CCND2: variants seen among roughly 807,000 people sequenced by gnomAD.
CCND2 encodes G1/S-specific cyclin-D2.
A neutral mutation model predicts 30.2 loss-of-function variants in CCND2; 6 were observed. That is an observed-to-expected ratio of 0.20 (90% CI 0.11 to 0.39). CCND2 has a LOEUF of 0.39. CCND2 is among the 10% of genes least tolerant of loss of function. The pLI is 1.00. For missense variants in CCND2, 235 were observed against 373.4 expected (o/e 0.63, Z 3.06); for synonymous variants, 150 against 153.1 (o/e 0.98, Z 0.15).
At chr12:4,298,614 G>A (rs1591651250) in intron 4 of CCND2, among the ~76,000 whole-genome samples, 1 of 152,134 alleles carries the variant, frequency 6.6e-6, no homozygotes, top group East Asian at 1.9e-4. Flanking sequence ...CTCTGGGTGG[G>A]GAGAATTGCA....
Position 4,288,915 on chromosome 12 carries a change from G to A in CCND2, c.645G>A (p.Gln215=). Residue 215 remains glutamine (Q), a synonymous_variant, in exon 4 of 5, where the codon CAG becomes CAA. Coordinates refer to ENST00000261254, the MANE Select transcript of CCND2 (RefSeq NM_001759.4). The part of the protein sequence containing the change: ...GSVGAAICGL[Q]QDEEVSSLTC... ...TGGGAGCAGCCATCTGTGGGCTCCAGCAGGATGAGGAAGTGAGCTCGCTCA... is the reference window on the plus strand; with the variant it reads ...TGGGAGCAGCCATCTGTGGGCTCCAACAGGATGAGGAAGTGAGCTCGCTCA... 6.2e-7 allele frequency: 1 copy of A among 1,613,922 alleles called. No individual in the cohort carries two copies. The highest frequency in any genetic ancestry group is 8.5e-7 in the Non-Finnish European group (1 of 1,179,954).
chr12:4,277,928 A>G (rs924564156), intron 2 of CCND2, among the ~76,000 whole-genome samples: 14 of 152,238 alleles, frequency 9.2e-5, no homozygotes, highest in Non-Finnish European at 1.3e-4. Flanking sequence ...TCCCGTAAGT[A>G]TCTCAGTGAA....
intron 4 of CCND2, among the ~76,000 whole-genome samples, chr12:4,291,234 T>TGTGTGTGTGTG (rs6144591): frequency 2.0e-5 from 3 of 151,264 alleles, no homozygotes; most frequent in Non-Finnish European, 4.4e-5. Flanking sequence ...TGTGTGTGTG[T>TGTGTGTGTGTG]TTATGCACCT....
At chr12:4,284,127 C>T (rs970249154) in intron 3 of CCND2, among the ~76,000 whole-genome samples, 2 of 152,186 alleles carry the variant, frequency 1.3e-5, no homozygotes, top group Non-Finnish European at 2.9e-5. Flanking sequence ...CACCACAGTC[C>T]TGCAGGAAGT....
At position 4,293,189 on chromosome 12, in the gene CCND2, T is replaced by C. The variant is rs1864123529; in HGVS notation, c.720+4199T>C. 6.6e-6 allele frequency among the ~76,000 whole-genome samples: 1 copy of C among 152,202 alleles called. No individual in the cohort carries two copies. Among genetic ancestry groups the C allele is most frequent in the South Asian group, 2.1e-4 (1 of 4,830 alleles). ...GAGCCTTCTGAGTTTTCCCCAACCT[T>C]ATCTTAGAGTAGGTTAAATGAAGTG... On this transcript the variant is annotated intron_variant, in intron 4 of 4. Coordinates refer to ENST00000261254, the MANE Select transcript of CCND2 (RefSeq NM_001759.4). This position sits in a 1 kb window ranked among gnomAD's most constrained non-coding sequence, Gnocchi z 4.9.
intron 2 of CCND2, among the ~76,000 whole-genome samples, chr12:4,277,089 G>A (rs1863884829): frequency 6.6e-6 from 1 of 152,216 alleles, no homozygotes; most frequent in Non-Finnish European, 1.5e-5. Flanking sequence ...CTCTTTGTGA[G>A]GAGCCTTCCT....
intron 2 of CCND2, among the ~76,000 whole-genome samples, chr12:4,277,904 C>G (rs887860008): frequency 3.9e-5 from 6 of 152,228 alleles, no homozygotes; most frequent in Admixed American, 1.3e-4. Flanking sequence ...GACCGTTTCC[C>G]TTTGAGCACA....
At position 4,277,922 on chromosome 12, in the gene CCND2, G is replaced by T. The variant is rs186377760; in HGVS notation, c.412-838G>T. On this transcript the variant is annotated intron_variant, in intron 2 of 4. Transcript: ENST00000261254. ...CGTTTCCCTTTGAGCACAGTTTCCC[G>T]TAAGTATCTCAGTGAAAGAGGGAAA... Among the ~76,000 whole-genome samples, 3 of 152,336 alleles carry T rather than the reference G, an allele frequency of 2.0e-5. No individual in the cohort carries two copies. The South Asian group carries it at 6.2e-4, about 32-fold the overall frequency.
chr12:4,288,477 G>T (rs1317250268), intron 3 of CCND2, among the ~76,000 whole-genome samples: 1 of 152,056 alleles, frequency 6.6e-6, no homozygotes. Flanking sequence ...CACCTCTAGA[G>T]GAGACTATGA....
rs929744529 is a variant in CCND2, at chr12:4,302,562, C to T, written c.*2553C>T. 2.1e-5 allele frequency: 5 copies of T among 233,068 alleles called. No homozygotes were observed. The highest frequency in any genetic ancestry group is 1.1e-4 in the African/African-American group (5 of 45,344). The allele number at this position is 233,068 out of a possible 1,614,324, so 14.4% of individuals were successfully genotyped here. A position where few individuals can be genotyped will look rare whatever the true frequency, so the allele number is the denominator to read the frequency against. On this transcript the variant is annotated 3_prime_UTR_variant, in exon 5 of 5. Transcript: ENST00000261254. ...GAGTAGATGAACCTGCAGCAAGCAG[C>T]GTTTATGGTGCTTCCTTCTCCCTCC...
chr12:4,294,331 C>T (rs1184198681), intron 4 of CCND2, among the ~76,000 whole-genome samples: 1 of 152,046 alleles, frequency 6.6e-6, no homozygotes, highest in East Asian at 1.9e-4. Flanking sequence ...AGTTGGAGGT[C>T]TGCCCGACCG....
In CCND2 at chr12:4,274,769, A is replaced by G. The variant is rs1005189738; in HGVS notation, c.195+534A>G. On this transcript the variant is annotated intron_variant, in intron 1 of 4. Coordinates refer to ENST00000261254, the MANE Select transcript of CCND2 (RefSeq NM_001759.4). The surrounding 1 kb of genome is among the most constrained non-coding windows in gnomAD (Gnocchi z 7.7). ...GGAATTCGGGAGCCCCGGAAGTCCC[A>G]TTGAAGAAACGCGTGTTTCAGGGGA... is the stretch of plus-strand genomic sequence containing the variant. Among the ~76,000 whole-genome samples, 2 of 152,190 alleles carry G rather than the reference A, an allele frequency of 1.3e-5. No homozygotes were observed. The highest frequency in any genetic ancestry group is 1.3e-4 in the Admixed American group (2 of 15,286).
At chr12:4,291,707 T>G (rs1196299846) in intron 4 of CCND2, among the ~76,000 whole-genome samples, 6 of 152,242 alleles carry the variant, frequency 3.9e-5, no homozygotes, top group Non-Finnish European at 8.8e-5. Flanking sequence ...AACTTGGTGA[T>G]AGAAACTGTT....
chr12:4,273,956 T>C lies in CCND2; in HGVS notation c.-85T>C. 1 of 1,336,578 alleles carries C rather than the reference T, an allele frequency of 7.5e-7. No homozygotes were observed. The highest frequency in any genetic ancestry group is 1.0e-6 in the Non-Finnish European group (1 of 980,302). 82.8% of individuals were successfully genotyped at this position (1,336,578 alleles called of 1,614,324 possible). A position where few individuals can be genotyped will look rare whatever the true frequency, so the allele number is the denominator to read the frequency against. On this transcript the variant is annotated 5_prime_UTR_variant, in exon 1 of 5. Coordinates refer to ENST00000261254, the MANE Select transcript of CCND2 (RefSeq NM_001759.4). This position sits in a 1 kb window ranked among gnomAD's most constrained non-coding sequence, Gnocchi z 5.9. ...AAGGAAGGAGGTCAGGGGAACGCTC[T>C]CCCCTCCCCTTCCAAAAAACAAAAA... is the stretch of plus-strand genomic sequence containing the variant.
In CCND2 at chr12:4,276,010, T is replaced by C; in HGVS notation, c.201T>C (p.Cys67=). ...RMVATWMLEV[C]EEQKCEEEVF... is the part of the protein sequence containing the mutation. ...CTTTCCCACTCCCATTATAGGTCTG[T>C]GAGGAACAGAAGTGCGAAGAAGAGG... The change falls in exon 2 of 5, where the codon TGT becomes TGC. Residue 67 remains cysteine (C), a synonymous_variant. Transcript: ENST00000261254. The surrounding 1 kb of genome is among the most constrained non-coding windows in gnomAD (Gnocchi z 4.8). 1 of 1,598,892 alleles carries C rather than the reference T, an allele frequency of 6.3e-7. No homozygotes were observed. The highest frequency in any genetic ancestry group is 8.6e-7 in the Non-Finnish European group (1 of 1,168,898).
intron 3 of CCND2, 106 bp from the exon 4 acceptor site, chr12:4,288,736 G>T: frequency 1.8e-6 from 2 of 1,101,170 alleles, no homozygotes; most frequent in East Asian, 2.5e-5. Context: ...GGGGTCACTC[G>T]CGCCGCTGAC....
In CCND2 at chr12:4,303,098, AAGAAC is replaced by A; in HGVS notation, c.*3090_*3094del. ...GAGCTTAAACAGAAGCAGCAAATGA[AAGAAC>A]CGGACAAATAAGGAAGGGCACAAGC... On this transcript the variant is annotated 3_prime_UTR_variant, in exon 5 of 5. Transcript: ENST00000261254. This position sits in a 1 kb window ranked among gnomAD's most constrained non-coding sequence, Gnocchi z 4.6. 4.3e-6 allele frequency: 1 copy of A among 233,284 alleles called. No homozygotes were observed. The highest frequency in any genetic ancestry group is 8.5e-6 in the Non-Finnish European group (1 of 118,064). The allele number at this position is 233,284 out of a possible 1,614,324, so 14.5% of individuals were successfully genotyped here. A position where few individuals can be genotyped will look rare whatever the true frequency, so the allele number is the denominator to read the frequency against.
rs3217807 is a variant in CCND2, at chr12:4,278,993, C to T, written c.571+74C>T. The T allele has an allele frequency of 4.1e-4, 591 of 1,450,230 alleles. 1 individual carries two copies. The African/African-American group carries it at 7.2e-3, about 18-fold the overall frequency. 89.8% of individuals were successfully genotyped at this position (1,450,230 alleles called of 1,614,324 possible). On this transcript the variant is annotated intron_variant, in intron 3 of 4. Coordinates refer to ENST00000261254, the MANE Select transcript of CCND2 (RefSeq NM_001759.4). ...AGATGTCCGGGGAGAGGCAAAAGGC[C>T]GTAGGAACTTTCATTTTAGTTCAGG... is the stretch of plus-strand genomic sequence containing the variant.
intron 3 of CCND2, 53 bp from the exon 4 acceptor site, chr12:4,288,789 C>G (rs1864057796): frequency 5.1e-6 from 8 of 1,558,004 alleles, no homozygotes; most frequent in Non-Finnish European, 7.0e-6. Flanking sequence ...CTCGGGAGCT[C>G]CAGGATCCAA....
Sources: gnomAD v4.1 joint callset for allele counts (sites outside exome capture counted in the v4.1 genomes callset) on GRCh38, gnomAD v4.1.1 for gene constraint, Gnocchi (gnomAD v3.1) non-coding constraint, MANE v1.5 for transcripts, NCBI Gene and HGNC (gene_info 2026-07-23, HGNC 2026-07-21) for gene names.